Variants in PDE11A observed in about 807,000 individuals in gnomAD.
The protein encoded by PDE11A is dual 3',5'-cyclic-AMP and -GMP phosphodiesterase 11A.
Under a neutral mutation model 100.5 loss-of-function variants are expected in PDE11A, and 100 were observed. The ratio of observed to expected loss-of-function variants is 1.00; its 90% CI spans 0.85 to 1.18. The LOEUF (loss-of-function observed/expected upper bound fraction) is 1.18. Ranked by LOEUF, PDE11A falls within the 50% of genes most tolerant of loss-of-function variation. The probability of loss-of-function intolerance (pLI) is 0.00; values close to 1 mark genes in which losing one functional copy is unlikely to be tolerated. For synonymous variants in PDE11A, 381 were observed against 420.8 expected, an observed-to-expected ratio of 0.91 and a Z score of 1.16; for missense variants, 1,141 against 1,152.6, an observed-to-expected ratio of 0.99 and a Z score of 0.15.
intron 10 of PDE11A, among the ~76,000 whole-genome samples, chr2:177,744,011 C>T (rs1442730902): frequency 6.6e-6 from 1 of 152,180 alleles, no homozygotes; most frequent in Non-Finnish European, 1.5e-5. Flanking sequence ...GCTTTCCTCC[C>T]CTCCTCTCCT....
chr2:177,635,275 G>T (rs1257192249), intron 19 of PDE11A, among the ~76,000 whole-genome samples: 1 of 152,114 alleles, frequency 6.6e-6, no homozygotes, highest in Non-Finnish European at 1.5e-5. Context: ...GATAACTCAG[G>T]TTTTGTTTCA....
intron 6 of PDE11A, among the ~76,000 whole-genome samples, chr2:177,834,197 A>T (rs1191116963): frequency 1.3e-5 from 2 of 152,200 alleles, no homozygotes; most frequent in Non-Finnish European, 2.9e-5. Flanking sequence ...AGCTGACCTA[A>T]GGAGCAAAAA....
chr2:177,741,585 C>T (rs1371968581), intron 10 of PDE11A, among the ~76,000 whole-genome samples: 1 of 152,240 alleles, frequency 6.6e-6, no homozygotes, highest in South Asian at 2.1e-4. Flanking sequence ...TTAAAGTGTC[C>T]TGATTACAAT....
intron 2 of PDE11A, among the ~76,000 whole-genome samples, chr2:177,915,301 A>T (rs2084937385): frequency 1.3e-5 from 2 of 152,232 alleles, no homozygotes; most frequent in African/African-American, 4.8e-5. Context: ...AGTATCATAC[A>T]GAATAGTTTA....
At chr2:177,733,450 A>G (rs2081723322) in intron 10 of PDE11A, among the ~76,000 whole-genome samples, 1 of 152,192 alleles carries the variant, frequency 6.6e-6, no homozygotes, top group Non-Finnish European at 1.5e-5. Flanking sequence ...TATCAAAGGG[A>G]GTCATAAAAC....
chr2:177,695,866 A>G (rs1231500799), intron 15 of PDE11A, among the ~76,000 whole-genome samples: 2 of 152,162 alleles, frequency 1.3e-5, no homozygotes, highest in Non-Finnish European at 1.5e-5. Flanking sequence ...GTGCTTTTCA[A>G]AGGGAGTCAT....
At chr2:177,936,871 G>A (rs1472540798) in intron 2 of PDE11A, among the ~76,000 whole-genome samples, 1 of 151,774 alleles carries the variant, frequency 6.6e-6, no homozygotes, top group East Asian at 1.9e-4. Flanking sequence ...GCAGTGAGTT[G>A]AAATCGCACT....
At chr2:177,833,682 C>G (rs1394848716) in intron 6 of PDE11A, among the ~76,000 whole-genome samples, 1 of 152,192 alleles carries the variant, frequency 6.6e-6, no homozygotes, top group Non-Finnish European at 1.5e-5. Context: ...TAGGGCCAAT[C>G]CATTTTGGGG....
intron 2 of PDE11A, among the ~76,000 whole-genome samples, chr2:177,907,594 T>G (rs1454350471): frequency 6.6e-6 from 1 of 152,216 alleles, no homozygotes; most frequent in Admixed American, 6.5e-5. Flanking sequence ...TAATTCTCTA[T>G]GGATATTTTA....
At chr2:178,075,778 G>A (rs1307759808), upstream of PDE11A, among the ~76,000 whole-genome samples, 1 of 152,092 alleles carries the variant, frequency 6.6e-6, no homozygotes, top group Non-Finnish European at 1.5e-5. Flanking sequence ...AAGGGTGAAA[G>A]GATGATTCTT....
At chr2:177,875,673 C>T (rs552997467) in intron 5 of PDE11A, among the ~76,000 whole-genome samples, 186 bp downstream of exon 5, 2 of 152,198 alleles carry the variant, frequency 1.3e-5, no homozygotes, top group South Asian at 4.2e-4. Context: ...AGCCACCGCG[C>T]CTGGCCGTAT....
intron 19 of PDE11A, among the ~76,000 whole-genome samples, chr2:177,633,563 T>A (rs2079988745): frequency 6.6e-6 from 1 of 152,232 alleles, no homozygotes; most frequent in Non-Finnish European, 1.5e-5. Context: ...ACATCTAATT[T>A]TAAATCAAAT....
chr2:178,019,005 T>A (rs1243951266), intron 1 of PDE11A, among the ~76,000 whole-genome samples: 1 of 152,252 alleles, frequency 6.6e-6, no homozygotes, highest in Non-Finnish European at 1.5e-5. Context: ...TACCAATCTC[T>A]TAAACAGAAT....
At chr2:178,083,911 T>C (rs1419220969) in intron 2 of PDE11A, among the ~76,000 whole-genome samples, 4 of 152,192 alleles carry the variant, frequency 2.6e-5, no homozygotes, top group Non-Finnish European at 4.4e-5. Flanking sequence ...CGTAAGATTA[T>C]ATAAAGAAAA....
At position 177,626,814 on chromosome 2, in the gene PDE11A, T is replaced by C. The variant is rs948616943; in HGVS notation, c.*2593A>G. 6.6e-6 allele frequency: 1 copy of C among 151,986 alleles called. No individual in the cohort carries two copies. The highest frequency in any genetic ancestry group is 2.4e-5 in the African/African-American group (1 of 41,366). The allele number at this position is 151,986 out of a possible 1,614,324, so 9.4% of individuals were successfully genotyped here. ...CCCCTCCCTGCTCAAGTGTCTCTCT[T>C]TTCTGAGCAATTGATGACAGGGTTC... On this transcript the variant is annotated 3_prime_UTR_variant, in exon 20 of 20. Transcript: ENST00000286063.
chr2:177,623,771 A>AT lies in PDE11A; in HGVS notation c.*5635_*5636insA, dbSNP rs56394470. 0.87 allele frequency: 132,468 copies of AT among 152,214 alleles called. 57,760 individuals are homozygous for AT. Among genetic ancestry groups the AT allele is most frequent in the East Asian group, 0.98 (5,064 of 5,182 alleles). 9.4% of individuals were successfully genotyped at this position (152,214 alleles called of 1,614,324 possible). On this transcript the variant is annotated 3_prime_UTR_variant, in exon 20 of 20. Coordinates refer to ENST00000286063, the MANE Select transcript of PDE11A (RefSeq NM_016953.4). ...ACACATTTGTGTACTAGCGTATACA[A>AT]AAATGACATTGGTGTAGTTATGTTA...
chr2:177,918,477 A>C (rs2084987188), intron 2 of PDE11A, among the ~76,000 whole-genome samples: 1 of 152,234 alleles, frequency 6.6e-6, no homozygotes, highest in Non-Finnish European at 1.5e-5. Context: ...AATTAAAATA[A>C]AAGCAGAAAA....
At chr2:178,082,312 T>G (rs35042065) in intron 2 of PDE11A, among the ~76,000 whole-genome samples, 1 of 152,234 alleles carries the variant, frequency 6.6e-6, no homozygotes, top group Non-Finnish European at 1.5e-5. Flanking sequence ...ATTATTATTG[T>G]TGTTATCATT....
chr2:177,948,094 C>T (rs1327879537), intron 2 of PDE11A, among the ~76,000 whole-genome samples: 1 of 151,754 alleles, frequency 6.6e-6, no homozygotes, highest in Non-Finnish European at 1.5e-5. Context: ...TATGTATACA[C>T]TACGTTTTCA....
Sources: allele counts gnomAD v4.1 joint callset (sites outside exome capture counted in the v4.1 genomes callset), GRCh38; gene constraint gnomAD v4.1.1; transcripts MANE v1.5; gene names NCBI Gene and HGNC (gene_info 2026-07-23, HGNC 2026-07-21).